SEPTIN11: variants seen among roughly 807,000 people sequenced by gnomAD.
SEPTIN11 encodes the protein septin 11.
SEPTIN11 carries 25 observed loss-of-function variants against 51.4 expected under a neutral mutation model. The observed-to-expected ratio is 0.49, with a 90% CI of 0.35 to 0.68. The LOEUF (loss-of-function observed/expected upper bound fraction) is 0.68, where lower values mean the gene tolerates loss of function less well. Among genes scored for constraint, SEPTIN11 ranks in the 30% least tolerant of loss-of-function variants. SEPTIN11 has a pLI of 0.00. For missense variants in SEPTIN11, 381 were observed against 520.8 expected, an observed-to-expected ratio of 0.73 and a Z score of 2.61; for synonymous variants, 174 against 184.1, an observed-to-expected ratio of 0.95 and a Z score of 0.44.
chr4:76,989,002 G>A (rs1723197188), intron 1 of SEPTIN11, among the ~76,000 whole-genome samples: 2 of 152,194 alleles, frequency 1.3e-5, no homozygotes, highest in South Asian at 4.1e-4. Context: ...CCCTGTGTTG[G>A]CTTTCCTTAA....
intron 9 of SEPTIN11, chr4:77,032,092 C>T (rs1726688861): frequency 6.6e-6 from 1 of 152,078 alleles, no homozygotes; most frequent in East Asian, 1.9e-4. Context: ...GGTGAATGTG[C>T]AGTAGGCTCA....
chr4:76,999,848 T>C (rs1724000790), intron 2 of SEPTIN11, among the ~76,000 whole-genome samples: 1 of 152,212 alleles, frequency 6.6e-6, no homozygotes. Flanking sequence ...GAGTTCATCA[T>C]TCCCCTTCTC....
intron 1 of SEPTIN11, among the ~76,000 whole-genome samples, chr4:76,961,010 T>C (rs1421780316): frequency 6.6e-6 from 1 of 152,204 alleles, no homozygotes; most frequent in African/African-American, 2.4e-5. Context: ...ACTTGTCCTG[T>C]GCTCCATGTT....
intron 2 of SEPTIN11, among the ~76,000 whole-genome samples, chr4:76,999,699 G>A (rs1271074744): frequency 6.6e-6 from 1 of 152,178 alleles, no homozygotes; most frequent in African/African-American, 2.4e-5. Context: ...ACTAAGTCTA[G>A]TTTCAGAGAT....
At chr4:76,996,883 CTT>C (rs567525535) in intron 2 of SEPTIN11, among the ~76,000 whole-genome samples, 5 of 126,330 alleles carry the variant, frequency 4.0e-5, no homozygotes, top group Non-Finnish European at 4.9e-5. Context: ...CTAGCCATAT[CTT>C]TTTTTTTTTT....
chr4:77,032,926 G>C (rs1726762457), intron 9 of SEPTIN11, among the ~76,000 whole-genome samples: 1 of 152,124 alleles, frequency 6.6e-6, no homozygotes, highest in South Asian at 2.1e-4. Context: ...CCTTACCAAT[G>C]TGTAATGCTT....
At chr4:77,026,492 G>A (rs1230881504) in intron 7 of SEPTIN11, among the ~76,000 whole-genome samples, 1 of 152,178 alleles carries the variant, frequency 6.6e-6, no homozygotes, top group Non-Finnish European at 1.5e-5. Flanking sequence ...GGAAGTGTAT[G>A]CAACAAAATG....
chr4:76,985,126 C>T (rs1722958589), intron 1 of SEPTIN11: 4 of 152,206 alleles, frequency 2.6e-5, no homozygotes. Context: ...TTCTGCTGGT[C>T]AGCACTTTGT....
chr4:77,003,777 A>G (rs1724289879), intron 2 of SEPTIN11, among the ~76,000 whole-genome samples: 1 of 152,164 alleles, frequency 6.6e-6, no homozygotes, highest in Non-Finnish European at 1.5e-5. Context: ...TAGTAAGTAG[A>G]TTTTGTCATT....
At chr4:76,951,994 G>A (rs901171209) in intron 1 of SEPTIN11, among the ~76,000 whole-genome samples, 3 of 152,198 alleles carry the variant, frequency 2.0e-5, no homozygotes, top group Non-Finnish European at 4.4e-5. Flanking sequence ...AAAGACAGAA[G>A]ACTTTTCTTT....
At chr4:77,020,368 A>G (rs1725614372) in intron 6 of SEPTIN11, 134 bp from the exon 7 acceptor site, 1 of 1,049,124 alleles carries the variant, frequency 9.5e-7, no homozygotes, top group South Asian at 1.5e-5. Context: ...TGAATCCAGT[A>G]AAGGATCTTC....
At chr4:76,969,229 A>G (rs545650674) in intron 1 of SEPTIN11, among the ~76,000 whole-genome samples, 2 of 152,166 alleles carry the variant, frequency 1.3e-5, no homozygotes, top group Admixed American at 6.5e-5. Flanking sequence ...TACAACTTGC[A>G]TTGAGGATCT....
intron 2 of SEPTIN11, among the ~76,000 whole-genome samples, chr4:77,001,021 C>T (rs964377189): frequency 6.6e-6 from 1 of 152,182 alleles, no homozygotes; most frequent in African/African-American, 2.4e-5. Flanking sequence ...GTTCAATCTA[C>T]CGTTACCTTC....
At chr4:76,989,478 G>A (rs529392549) in intron 1 of SEPTIN11, among the ~76,000 whole-genome samples, 19 of 152,250 alleles carry the variant, frequency 1.2e-4, no homozygotes, top group African/African-American at 4.6e-4. Context: ...CAGAGGCTAC[G>A]GCCTATCTAA....
At chr4:76,970,055 G>A (rs1722178633) in intron 1 of SEPTIN11, among the ~76,000 whole-genome samples, 2 of 152,000 alleles carry the variant, frequency 1.3e-5, no homozygotes, top group African/African-American at 4.8e-5. Flanking sequence ...ATGCCCTTCC[G>A]AGACTTCATG....
intron 1 of SEPTIN11, among the ~76,000 whole-genome samples, chr4:76,995,383 AAAAT>A (rs1197246314): frequency 3.9e-5 from 6 of 151,970 alleles, no homozygotes; most frequent in Admixed American, 3.9e-4. Context: ...TCCATCTCAA[AAAAT>A]AAATAATAAA....
In SEPTIN11 at chr4:77,036,750, T is replaced by G; in HGVS notation, c.*2238T>G. The stretch of plus-strand genomic sequence containing the variant: ...GCTGCTTTTCTTTTTTCTTTCTGTA[T>G]CTATGCCTTTTTTTCACAGTAGTCC... On this transcript the variant is annotated 3_prime_UTR_variant, in exon 10 of 10. Coordinates refer to ENST00000264893, the MANE Select transcript of SEPTIN11 (RefSeq NM_018243.4). 1 of 1,534,104 alleles carries G rather than the reference T, an allele frequency of 6.5e-7. No homozygotes were observed. Among genetic ancestry groups the G allele is most frequent in the Non-Finnish European group, 8.7e-7 (1 of 1,146,804 alleles).
At chr4:76,989,130 T>G (rs1723207775) in intron 1 of SEPTIN11, among the ~76,000 whole-genome samples, 1 of 152,224 alleles carries the variant, frequency 6.6e-6, no homozygotes, top group Admixed American at 6.5e-5. Context: ...ATCTCCTCAC[T>G]TTACAGAGGA....
At chr4:76,996,584 A>G (rs1300513846) in intron 2 of SEPTIN11, 45 bp downstream of exon 2, 3 of 1,294,206 alleles carry the variant, frequency 2.3e-6, no homozygotes, top group Non-Finnish European at 3.4e-6. Flanking sequence ...ATCCTTAGAT[A>G]TTGACAGGTA....
Sources: gnomAD v4.1 joint callset for allele counts (sites outside exome capture counted in the v4.1 genomes callset) on GRCh38, gnomAD v4.1.1 for gene constraint, MANE v1.5 for transcripts, NCBI Gene and HGNC (gene_info 2026-07-23, HGNC 2026-07-21) for gene names.